MYO1D: variants seen among roughly 807,000 people sequenced by gnomAD.
The protein encoded by MYO1D is unconventional myosin-Id.
MYO1D carries 83 observed loss-of-function variants against 122.0 expected under a neutral mutation model. The observed-to-expected ratio is 0.68, with a 90% confidence interval of 0.57 to 0.82. The LOEUF (loss-of-function observed/expected upper bound fraction) is 0.82, where lower values mean the gene tolerates loss of function less well. MYO1D is among the 40% of genes least tolerant of loss of function. The pLI is 0.00. For synonymous variants in MYO1D, 464 were observed against 446.9 expected (o/e 1.04, Z -0.48); for missense variants, 1,157 against 1,269.5 (o/e 0.91, Z 1.35).
At chr17:32,787,454 T>C (rs1046248977) in intron 1 of MYO1D, among the ~76,000 whole-genome samples, 1 of 151,874 alleles carries the variant, frequency 6.6e-6, no homozygotes, top group African/African-American at 2.4e-5. Flanking sequence ...AGTCTCACTT[T>C]GTCGCCCAGG....
At chr17:32,693,311 T>C (rs1232071274) in intron 16 of MYO1D, among the ~76,000 whole-genome samples, 1 of 150,402 alleles carries the variant, frequency 6.6e-6, no homozygotes, top group Non-Finnish European at 1.5e-5. Flanking sequence ...AATGTTGTCA[T>C]GGAGACAACA....
intron 16 of MYO1D, 108 bp from the exon 17 acceptor site, chr17:32,659,446 A>ACAAAAATCACAACTCAACC (rs1567934784): frequency 1.5e-5 from 17 of 1,116,504 alleles, no homozygotes; most frequent in Non-Finnish European, 2.6e-6. Flanking sequence ...GGCAACTTGC[A>ACAAAAATCACAACTCAACC]AGTGTGCACA....
In MYO1D at chr17:32,775,907, C is replaced by T. The variant is rs888715757; in HGVS notation, c.521G>A (p.Gly174Asp). Reference protein sequence around the residue: ...KYMDINFDFKGDPIGGHINNY... With the variant: ...KYMDINFDFKDDPIGGHINNY... ...ATTGATATGCCCACCAATAGGGTCACCCTTGAAGTCAAAGTTGATATCCAT... is the reference window on the plus strand; with the variant it reads ...ATTGATATGCCCACCAATAGGGTCATCCTTGAAGTCAAAGTTGATATCCAT... The change falls in exon 4 of 22, where the codon GGT (glycine) becomes GAT (aspartate). Residue 174 changes from glycine to aspartate, a missense_variant. Gly to Asp is a moderately conservative substitution (Grantham distance 94). Coordinates refer to ENST00000318217, the MANE Select transcript of MYO1D (RefSeq NM_015194.3). 6.2e-7 allele frequency: 1 copy of T among 1,613,582 alleles called. No individual in the cohort carries two copies. The highest frequency in any genetic ancestry group is 8.5e-7 in the Non-Finnish European group (1 of 1,179,768).
At chr17:32,794,754 T>A (rs1231942188) in intron 1 of MYO1D, among the ~76,000 whole-genome samples, 1 of 151,900 alleles carries the variant, frequency 6.6e-6, no homozygotes, top group Non-Finnish European at 1.5e-5. Context: ...GAGAGAGGTG[T>A]GGGAGGAGGG....
chr17:32,802,981 A>C (rs1412810786), intron 1 of MYO1D, among the ~76,000 whole-genome samples: 1 of 152,138 alleles, frequency 6.6e-6, no homozygotes, highest in Admixed American at 6.5e-5. Context: ...CAAACTGTCT[A>C]TGGAAGTTAG....
At chr17:32,867,935 T>G (rs2091143618) in intron 1 of MYO1D, among the ~76,000 whole-genome samples, 1 of 144,242 alleles carries the variant, frequency 6.9e-6, no homozygotes, top group South Asian at 2.3e-4. Flanking sequence ...AAAAAAAAAC[T>G]CTAGACTTAA....
intron 19 of MYO1D, among the ~76,000 whole-genome samples, chr17:32,643,303 T>C (rs2088232076): frequency 6.6e-6 from 1 of 152,218 alleles, no homozygotes; most frequent in African/African-American, 2.4e-5. Flanking sequence ...AGCTTTTTGA[T>C]GTGCTGCTGG....
chr17:32,613,858 T>C (rs1203190133), intron 20 of MYO1D, among the ~76,000 whole-genome samples: 2 of 150,178 alleles, frequency 1.3e-5, no homozygotes, highest in Non-Finnish European at 3.0e-5. Flanking sequence ...ATAGTTCACA[T>C]TTATGTATTA....
chr17:32,742,228 A>C (rs114736178), intron 13 of MYO1D, among the ~76,000 whole-genome samples: 1 of 152,190 alleles, frequency 6.6e-6, no homozygotes, highest in African/African-American at 2.4e-5. Context: ...TAAATACTAC[A>C]CCATTTTATA....
At chr17:32,828,797 C>T (rs537045559) in intron 1 of MYO1D, among the ~76,000 whole-genome samples, 99 of 152,284 alleles carry the variant, frequency 6.5e-4, no homozygotes, top group Non-Finnish European at 1.3e-3. Context: ...ATGCATTTTT[C>T]TCATTTAAAC....
chr17:32,582,853 T>C (rs2087354437), intron 21 of MYO1D, among the ~76,000 whole-genome samples: 2 of 152,220 alleles, frequency 1.3e-5, no homozygotes, highest in South Asian at 4.1e-4. Context: ...AGGTTTGCTA[T>C]GTTTCCTTCA....
At chr17:32,654,807 A>T (rs1326594402) in intron 17 of MYO1D, among the ~76,000 whole-genome samples, 186 bp from the exon 18 acceptor site, 2 of 151,888 alleles carry the variant, frequency 1.3e-5, no homozygotes, top group African/African-American at 4.8e-5. Flanking sequence ...CCTCCTGGGT[A>T]GCTGGGATTA....
chr17:32,749,972 T>A (rs977820036), intron 11 of MYO1D, among the ~76,000 whole-genome samples: 3 of 152,134 alleles, frequency 2.0e-5, no homozygotes, highest in African/African-American at 7.2e-5. Flanking sequence ...GGTTAAGCAA[T>A]TGGCCCAAGA....
intron 19 of MYO1D, among the ~76,000 whole-genome samples, chr17:32,647,850 AGTC>A (rs998948559): frequency 1.2e-4 from 18 of 152,168 alleles, no homozygotes; most frequent in African/African-American, 4.1e-4. Context: ...TACTGCCAGC[AGTC>A]TTTCCTTGAT....
chr17:32,741,409 A>G (rs541764277), intron 13 of MYO1D, among the ~76,000 whole-genome samples: 3 of 151,118 alleles, frequency 2.0e-5, no homozygotes, highest in African/African-American at 7.3e-5. Flanking sequence ...AAGACTTCCC[A>G]TCTCACAGGC....
chr17:32,875,390 T>A (rs1277474606), intron 1 of MYO1D, among the ~76,000 whole-genome samples: 3 of 152,198 alleles, frequency 2.0e-5, no homozygotes, highest in Non-Finnish European at 4.4e-5. Flanking sequence ...CTTTGAAGTA[T>A]GTATACACAT....
intron 6 of MYO1D, among the ~76,000 whole-genome samples, chr17:32,769,191 C>T (rs2090089846): frequency 6.6e-6 from 1 of 151,742 alleles, no homozygotes; most frequent in Non-Finnish European, 1.5e-5. Context: ...GGGGAGGTTT[C>T]CCTAGCTTAT....
chr17:32,504,722 T>A (rs1343285896), intron 21 of MYO1D: 1 of 152,272 alleles, frequency 6.6e-6, no homozygotes, highest in African/African-American at 2.4e-5. Flanking sequence ...TCTCTTAGCA[T>A]GAGGTCCATG....
chr17:32,789,200 G>C (rs1433626598), intron 1 of MYO1D, among the ~76,000 whole-genome samples: 3 of 152,170 alleles, frequency 2.0e-5, no homozygotes, highest in Non-Finnish European at 2.9e-5. Context: ...TATATGATCA[G>C]ATCTCTGGTG....
Sources: allele counts gnomAD v4.1 joint callset (sites outside exome capture counted in the v4.1 genomes callset), GRCh38; gene constraint gnomAD v4.1.1; transcripts MANE v1.5; gene names NCBI Gene and HGNC (gene_info 2026-07-23, HGNC 2026-07-21).